The following ENPP6 variants were observed in gnomAD, a reference collection of about 807,000 sequenced individuals.
ENPP6 encodes glycerophosphocholine cholinephosphodiesterase ENPP6.
ENPP6 carries 32 observed loss-of-function variants against 42.0 expected under a neutral mutation model. The observed-to-expected ratio is 0.76, with a 90% confidence interval of 0.58 to 1.02. ENPP6 has a LOEUF of 1.02. ENPP6 is among the 50% of genes least tolerant of loss of function. The pLI is 0.00. For synonymous variants in ENPP6, 213 were observed against 216.0 expected (o/e 0.99, Z 0.12); for missense variants, 552 against 566.8 (o/e 0.97, Z 0.27).
intron 6 of ENPP6, among the ~76,000 whole-genome samples, chr4:184,106,255 G>A (rs991226882): frequency 1.3e-5 from 2 of 151,700 alleles, no homozygotes; most frequent in Admixed American, 6.6e-5. Flanking sequence ...GGCTGGTCTC[G>A]AAATCCTGAC....
chr4:184,157,774 A>ATTTTTTTTTT (rs34358499), intron 1 of ENPP6, among the ~76,000 whole-genome samples: 3 of 122,356 alleles, frequency 2.5e-5, no homozygotes, highest in Non-Finnish European at 1.6e-5. Flanking sequence ...AACTTGGCTA[A>ATTTTTTTTTT]TTTTTTTTTT....
At chr4:184,208,391 G>A (rs1304194407) in intron 1 of ENPP6, among the ~76,000 whole-genome samples, 1 of 152,214 alleles carries the variant, frequency 6.6e-6, no homozygotes, top group Admixed American at 6.5e-5. Context: ...CGCACCCTGC[G>A]CGAGCCGAAG....
intron 1 of ENPP6, among the ~76,000 whole-genome samples, chr4:184,161,296 A>T (rs114243264): frequency 0.01 from 1,543 of 152,352 alleles, 22 homozygotes; most frequent in South Asian, 0.085. Flanking sequence ...AAAATGCTCA[A>T]CAACACTAAT....
At chr4:184,097,474 G>T (rs768505022) in intron 6 of ENPP6, 106 bp from the exon 7 acceptor site, 314 of 1,512,438 alleles carry the variant, frequency 2.1e-4, no homozygotes, top group Non-Finnish European at 2.6e-4. Flanking sequence ...CCTCCTCTGC[G>T]CTCCGACTGA....
At chr4:184,161,621 A>C (rs939155325) in intron 1 of ENPP6, among the ~76,000 whole-genome samples, 5 of 152,164 alleles carry the variant, frequency 3.3e-5, no homozygotes, top group African/African-American at 1.2e-4. Context: ...AAAAATAGGG[A>C]ATCAGCCCAA....
intron 1 of ENPP6, among the ~76,000 whole-genome samples, chr4:184,166,780 C>G (rs915098044): frequency 5.9e-5 from 9 of 152,230 alleles, no homozygotes; most frequent in Non-Finnish European, 8.8e-5. Context: ...GAAAGTCAGC[C>G]AACATCTCCA....
chr4:184,108,947 A>G (rs1187335784), intron 6 of ENPP6, among the ~76,000 whole-genome samples: 2 of 152,252 alleles, frequency 1.3e-5, no homozygotes, highest in Non-Finnish European at 2.9e-5. Context: ...GCAGTGGCTC[A>G]CGCCTGTCAT....
At chr4:184,144,119 G>GGGCCTA (rs1736877729) in intron 2 of ENPP6, among the ~76,000 whole-genome samples, 1 of 152,214 alleles carries the variant, frequency 6.6e-6, no homozygotes, top group African/African-American at 2.4e-5. Flanking sequence ...ACAGAGAATG[G>GGGCCTA]GGCCTAGGCC....
chr4:184,106,367 C>A (rs1330878261), intron 6 of ENPP6, among the ~76,000 whole-genome samples: 1 of 152,148 alleles, frequency 6.6e-6, no homozygotes, highest in East Asian at 1.9e-4. Context: ...TAAAAAATAC[C>A]AAGTCCTGGC....
At chr4:184,217,504 C>T in intron 1 of ENPP6, 75 bp downstream of exon 1, 1 of 1,572,184 alleles carries the variant, frequency 6.4e-7, no homozygotes, top group Non-Finnish European at 8.7e-7. Context: ...AATAAGACTC[C>T]AATGCCAGGA....
intron 2 of ENPP6, among the ~76,000 whole-genome samples, chr4:184,131,275 C>T (rs866987599): frequency 0.042 from 3,327 of 80,068 alleles, 139 homozygotes; most frequent in South Asian, 0.065. Context: ...TTCCTTCCTT[C>T]CTTCCTTCCT....
At position 184,183,044 on chromosome 4, in the gene ENPP6, C is replaced by T. The variant is rs187593373; in HGVS notation, c.242-29311G>A. Among the ~76,000 whole-genome samples the T allele has an allele frequency of 6.7e-4, 102 of 152,260 alleles. No homozygotes were observed. In the East Asian group the frequency reaches 0.016, roughly 24 times the overall value. On this transcript the variant is annotated intron_variant, in intron 1 of 7. Coordinates refer to ENST00000296741, the MANE Select transcript of ENPP6 (RefSeq NM_153343.4). ...AAATAAAATAGAATCTCATCTCTTT[C>T]CAACAAATTATGAAATCTGAAGGAT...
rs1560987334 is a variant in ENPP6, at chr4:184,131,218, T to TTC, written c.422-6947_422-6946insGA. 4.3e-4 allele frequency among the ~76,000 whole-genome samples: 30 copies of TTC among 69,998 alleles called. 2 individuals are homozygous for TTC. The highest frequency in any genetic ancestry group is 2.0e-3 in the African/African-American group (27 of 13,596). 45.9% of individuals were successfully genotyped at this position (69,998 alleles called of 152,430 possible). ...CTTTCTTTCTTCTTTCTTTCTTTCT[T>TTC]TTTCTTTCTTTCTTTCCTTTTCTTT... On this transcript the variant is annotated intron_variant, in intron 2 of 7. Coordinates refer to ENST00000296741, the MANE Select transcript of ENPP6 (RefSeq NM_153343.4).
At position 184,146,970 on chromosome 4, in the gene ENPP6, C is replaced by T. The variant is rs545792652; in HGVS notation, c.421+6584G>A. ...TCTCCCTGGGTAAACTTCTCCATTC[C>T]CACAGCTGCATTGACCTCTGATGCG... On this transcript the variant is annotated intron_variant, in intron 2 of 7. Transcript: ENST00000296741. Among the ~76,000 whole-genome samples the T allele has an allele frequency of 4.5e-4, 68 of 152,146 alleles. 1 individual carries two copies. Among genetic ancestry groups the T allele is most frequent in the Non-Finnish European group, 8.2e-4 (56 of 68,026 alleles).
chr4:184,113,428 G>A (rs1736246809), intron 5 of ENPP6, among the ~76,000 whole-genome samples: 1 of 152,192 alleles, frequency 6.6e-6, no homozygotes. Flanking sequence ...GATTGGGTCT[G>A]AGAAGGACAT....
At chr4:184,131,202 TTC>T (rs748561004) in intron 2 of ENPP6, among the ~76,000 whole-genome samples, 3 of 6,428 alleles carry the variant, frequency 4.7e-4, no homozygotes, top group African/African-American at 7.0e-4. Context: ...TCTTTCTTTC[TTC>T]TTTCTTTCTT....
chr4:184,177,225 G>C (rs62341586), intron 1 of ENPP6, among the ~76,000 whole-genome samples: 1 of 152,248 alleles, frequency 6.6e-6, no homozygotes, highest in African/African-American at 2.4e-5. Flanking sequence ...TCCCCACAGC[G>C]CAGCACAGTG....
intron 1 of ENPP6, among the ~76,000 whole-genome samples, chr4:184,189,104 G>A (rs565469700): frequency 6.6e-6 from 1 of 152,344 alleles, no homozygotes; most frequent in South Asian, 2.1e-4. Context: ...GAGCTGGGCC[G>A]TGCTGGGAAA....
intron 7 of ENPP6, among the ~76,000 whole-genome samples, chr4:184,095,240 C>A (rs1579604101): frequency 6.6e-6 from 1 of 152,190 alleles, no homozygotes; most frequent in African/African-American, 2.4e-5. Context: ...TTACAGGAAC[C>A]TGTGATGGAG....
Sources: gnomAD v4.1 joint callset for allele counts (sites outside exome capture counted in the v4.1 genomes callset) on GRCh38, gnomAD v4.1.1 for gene constraint, MANE v1.5 for transcripts, NCBI Gene and HGNC (gene_info 2026-07-23, HGNC 2026-07-21) for gene names.